The following MYLK variants were observed in gnomAD, a reference collection of about 807,000 sequenced individuals.
The protein encoded by MYLK is myosin light chain kinase, also known as myosin light chain kinase, smooth muscle.
In MYLK, 106 loss-of-function variants were observed where a neutral mutation model predicts 203.4. The ratio of observed to expected loss-of-function variants is 0.52; its 90% CI spans 0.45 to 0.61. The LOEUF is 0.61. Ranked by LOEUF, MYLK falls within the 20% of genes least tolerant of loss-of-function variation. MYLK has a pLI of 0.00. For missense variants in MYLK, 2,072 were observed against 2,442.3 expected, an observed-to-expected ratio of 0.85 and a Z score of 3.20; for synonymous variants, 867 against 959.5, an observed-to-expected ratio of 0.90 and a Z score of 1.78.
In MYLK at chr3:123,737,371, T is replaced by TA. The variant is rs755538401; in HGVS notation, c.754+6_754+7insT. On this transcript the variant is annotated splice_region_variant and intron_variant, in intron 8 of 33. Transcript: ENST00000360304. Reference sequence around the variant, plus strand: ...TCGTTCTGCACTAGCCGTCCACTGGTCGATACCTTGGATGGAAAGTTCAGC... The same window carrying TA: ...TCGTTCTGCACTAGCCGTCCACTGGTACGATACCTTGGATGGAAAGTTCAGC... 26 of 1,614,054 alleles carry TA rather than the reference T, an allele frequency of 1.6e-5. No homozygotes were observed. Among genetic ancestry groups the TA allele is most frequent in the Non-Finnish European group, 2.2e-5 (26 of 1,180,008 alleles).
intron 31 of MYLK, chr3:123,625,278 A>C (rs1576343630): frequency 6.6e-6 from 1 of 152,282 alleles, no homozygotes; most frequent in Middle Eastern, 3.4e-3. Context: ...AACTATCCGG[A>C]TAGTTTATAC....
At chr3:123,852,222 C>G (rs1264716209) in intron 2 of MYLK, among the ~76,000 whole-genome samples, 1 of 152,320 alleles carries the variant, frequency 6.6e-6, no homozygotes, top group East Asian at 1.9e-4. Context: ...TGTTGTGTCT[C>G]TGCCAGGCTT....
chr3:123,766,075 T>C (rs112281991), intron 4 of MYLK, among the ~76,000 whole-genome samples: 5 of 152,236 alleles, frequency 3.3e-5, no homozygotes, highest in Non-Finnish European at 5.9e-5. Context: ...GTAAATTTCA[T>C]TTCATGTGTA....
chr3:123,851,024 T>G (rs1461842721), intron 2 of MYLK, among the ~76,000 whole-genome samples: 2 of 152,270 alleles, frequency 1.3e-5, no homozygotes, highest in East Asian at 3.8e-4. Flanking sequence ...TTTCTGGTTT[T>G]TGTCAGTTTT....
chr3:123,831,450 G>A, intron 3 of MYLK, 98 bp downstream of exon 3: 1 of 1,288,722 alleles, frequency 7.8e-7, no homozygotes, highest in Non-Finnish European at 1.0e-6. Context: ...AGTCTCTTCT[G>A]GGCACCTAGA....
intron 8 of MYLK, 105 bp from the exon 9 acceptor site, chr3:123,735,521 T>C: frequency 7.8e-7 from 1 of 1,278,242 alleles, no homozygotes; most frequent in Non-Finnish European, 1.1e-6. Context: ...CCCTGCTGGC[T>C]CCTTCCAGCT....
intron 31 of MYLK, chr3:123,622,802 A>T (rs1390466272): frequency 6.6e-6 from 1 of 152,258 alleles, no homozygotes; most frequent in Non-Finnish European, 1.5e-5. Flanking sequence ...CTAGTCTTCC[A>T]GTTTTATGCC....
chr3:123,856,146 C>T (rs1370096721), intron 2 of MYLK, among the ~76,000 whole-genome samples: 1 of 152,170 alleles, frequency 6.6e-6, no homozygotes, highest in Non-Finnish European at 1.5e-5. Context: ...AAAGGGACAA[C>T]ACCTAGTTTG....
intron 2 of MYLK, among the ~76,000 whole-genome samples, chr3:123,853,738 T>C (rs1247817221): frequency 1.3e-5 from 2 of 152,034 alleles, no homozygotes; most frequent in African/African-American, 2.4e-5. Flanking sequence ...CCTGATGCTA[T>C]AAATAAGACA....
chr3:123,614,219 A>G lies in MYLK; in HGVS notation c.5631T>C (p.Asp1877=), dbSNP rs772417046. The G allele has an allele frequency of 4.3e-6, 7 of 1,613,908 alleles. No individual in the cohort carries two copies. Among genetic ancestry groups the G allele is most frequent in the Non-Finnish European group, 5.9e-6 (7 of 1,180,028 alleles). Residue 1877 remains aspartate (D), a synonymous_variant, in exon 34 of 34, where the codon GAT becomes GAC. Coordinates refer to ENST00000360304, the MANE Select transcript of MYLK (RefSeq NM_053025.4). The stretch of plus-strand genomic sequence containing the variant: ...TGACAGCCTTGCAGGTGTACTTGGC[A>G]TCGTCATCCCCGCAAACATCACTAA... ...LIISDVCGDD[D]AKYTCKAVNS...
At chr3:123,703,621 G>C (rs944324104) in intron 16 of MYLK, among the ~76,000 whole-genome samples, 2 of 152,202 alleles carry the variant, frequency 1.3e-5, no homozygotes, top group Admixed American at 1.3e-4. Flanking sequence ...GAGGTCCTCA[G>C]TGTGCCCCGA....
At chr3:123,737,225 A>G (rs2062703438) in intron 8 of MYLK, 153 bp downstream of exon 8, 5 of 760,466 alleles carry the variant, frequency 6.6e-6, no homozygotes, top group Non-Finnish European at 8.1e-6. Context: ...TCTGAAGAGA[A>G]AAAAAAAAAA....
chr3:123,639,734 C>T (rs2058767047), intron 28 of MYLK, among the ~76,000 whole-genome samples: 1 of 152,176 alleles, frequency 6.6e-6, no homozygotes, highest in African/African-American at 2.4e-5. Context: ...CCAGCACATC[C>T]CCTGGCTCAC....
At chr3:123,617,218 A>C (rs1191262151) in intron 33 of MYLK, 1 of 152,262 alleles carries the variant, frequency 6.6e-6, no homozygotes, top group Non-Finnish European at 1.5e-5. Flanking sequence ...TCAATGAAAC[A>C]ATTCCAAAGA....
At chr3:123,666,090 G>C in intron 22 of MYLK, 129 bp downstream of exon 22, 1 of 1,436,352 alleles carries the variant, frequency 7.0e-7, no homozygotes, top group Non-Finnish European at 9.8e-7. Context: ...GTAGGGGAGT[G>C]GCCTCTCCCA....
At chr3:123,858,975 A>T (rs750163874) in intron 2 of MYLK, among the ~76,000 whole-genome samples, 8 of 152,230 alleles carry the variant, frequency 5.3e-5, no homozygotes, top group Non-Finnish European at 4.4e-5. Flanking sequence ...TTATTATTGA[A>T]ATTGAAACAC....
chr3:123,698,520 G>A (rs1182893407), intron 18 of MYLK, among the ~76,000 whole-genome samples: 1 of 152,150 alleles, frequency 6.6e-6, no homozygotes, highest in African/African-American at 2.4e-5. Context: ...CGGCAGGACA[G>A]GTTGTGGCGT....
At chr3:123,651,901 C>T (rs978349205) in intron 24 of MYLK, among the ~76,000 whole-genome samples, 3 of 152,218 alleles carry the variant, frequency 2.0e-5, no homozygotes, top group African/African-American at 7.2e-5. Flanking sequence ...GGAATTCCAG[C>T]CCCTCTTTCT....
rs760193913 is a variant in MYLK at position 123,722,243 on chromosome 3, G to A, written c.1689C>T (p.Ala563=). The A allele has an allele frequency of 5.0e-5, 79 of 1,566,904 alleles. No homozygotes were observed. The highest frequency in any genetic ancestry group is 1.7e-4 in the Middle Eastern group (1 of 6,030). Residue 563 remains alanine (A), a synonymous_variant, in exon 13 of 34, where the codon GCC becomes GCT. Transcript: ENST00000360304. ...CCTGGATGTGGAGCTCAGCCACGCC[G>A]GCCTCGCAGGTGGAGCGAGCGTACT... ...PIQYARSTCE[A]GVAELHIQDA...
Sources: gnomAD v4.1 joint callset for allele counts (sites outside exome capture counted in the v4.1 genomes callset) on GRCh38, gnomAD v4.1.1 for gene constraint, MANE v1.5 for transcripts, NCBI Gene and HGNC (gene_info 2026-07-23, HGNC 2026-07-21) for gene names.